SLC39A12: variants seen among roughly 807,000 people sequenced by gnomAD.
SLC39A12 encodes the protein zinc transporter ZIP12.
A neutral mutation model predicts 71.1 loss-of-function variants in SLC39A12; 63 were observed. The ratio of observed to expected loss-of-function variants is 0.89; its 90% CI spans 0.72 to 1.09. The LOEUF is 1.09. Ranked by LOEUF, SLC39A12 falls within the 50% of genes least tolerant of loss-of-function variation. The pLI is 0.00. For synonymous variants in SLC39A12, 351 were observed against 301.3 expected (o/e 1.16, Z -1.71); for missense variants, 892 against 812.6 (o/e 1.10, Z -1.19).
chr10:17,968,883 A>G (rs1438320188), intron 4 of SLC39A12, among the ~76,000 whole-genome samples: 1 of 152,144 alleles, frequency 6.6e-6, no homozygotes, highest in Non-Finnish European at 1.5e-5. Flanking sequence ...CTATCAAATA[A>G]TAGGTCTTAT....
intron 12 of SLC39A12, among the ~76,000 whole-genome samples, chr10:18,022,312 T>C (rs1466262881): frequency 6.6e-6 from 1 of 152,070 alleles, no homozygotes; most frequent in African/African-American, 2.4e-5. Context: ...TCAGAGGTTT[T>C]GTTTATTTTT....
At chr10:17,958,830 A>T (rs1359203414) in intron 2 of SLC39A12, among the ~76,000 whole-genome samples, 11 of 152,228 alleles carry the variant, frequency 7.2e-5, no homozygotes, top group Admixed American at 7.2e-4. Context: ...TAGTTGCTTT[A>T]TATTATAAAA....
intron 12 of SLC39A12, among the ~76,000 whole-genome samples, chr10:18,010,889 C>A (rs905061872): frequency 2.0e-5 from 3 of 152,198 alleles, no homozygotes; most frequent in Admixed American, 6.5e-5. Flanking sequence ...TCCTCCTCCT[C>A]CTCCGTCCCT....
intron 12 of SLC39A12, among the ~76,000 whole-genome samples, chr10:18,040,687 A>G (rs1366276511): frequency 6.6e-6 from 1 of 151,094 alleles, no homozygotes; most frequent in Non-Finnish European, 1.5e-5. Context: ...GAGAATCGCC[A>G]TAACCCAGGA....
At chr10:17,995,293 T>C (rs1835656087) in intron 9 of SLC39A12, among the ~76,000 whole-genome samples, 1 of 152,218 alleles carries the variant, frequency 6.6e-6, no homozygotes, top group Non-Finnish European at 1.5e-5. Context: ...CAATCCACCA[T>C]ACAGGAGAAG....
At chr10:17,962,841 T>C (rs1834726876) in intron 3 of SLC39A12, among the ~76,000 whole-genome samples, 1 of 152,168 alleles carries the variant, frequency 6.6e-6, no homozygotes, top group Admixed American at 6.5e-5. Context: ...CATATTTTTA[T>C]TCCTATTTTC....
intron 12 of SLC39A12, among the ~76,000 whole-genome samples, chr10:18,013,713 C>G (rs2497768): frequency 0.78 from 117,833 of 151,958 alleles, 46,543 homozygotes; most frequent in African/African-American, 0.91. Context: ...AGCACCATCT[C>G]TTGAAAGGAC....
intron 2 of SLC39A12, among the ~76,000 whole-genome samples, chr10:17,958,316 T>C (rs530857679): frequency 3.0e-4 from 45 of 152,264 alleles, no homozygotes; most frequent in Non-Finnish European, 5.0e-4. Flanking sequence ...CCTTGCATCA[T>C]AGACATTCTT....
At chr10:17,981,565 A>G in intron 6 of SLC39A12, 82 bp downstream of exon 6, 1 of 1,132,102 alleles carries the variant, frequency 8.8e-7, no homozygotes, top group South Asian at 1.8e-5. Context: ...CTTACTATAT[A>G]CCAGGCTCTG....
chr10:17,982,506 C>A (rs1835286879), intron 6 of SLC39A12, among the ~76,000 whole-genome samples: 1 of 152,140 alleles, frequency 6.6e-6, no homozygotes, highest in South Asian at 2.1e-4. Flanking sequence ...CAGCCACCCA[C>A]CTCTAACTCA....
chr10:18,034,740 T>C (rs1836949512), intron 12 of SLC39A12, among the ~76,000 whole-genome samples: 1 of 151,712 alleles, frequency 6.6e-6, no homozygotes. Context: ...TTCTTCCTAG[T>C]CTCGATGGTC....
chr10:17,965,746 C>G, intron 4 of SLC39A12, 56 bp downstream of exon 4: 1 of 1,429,056 alleles, frequency 7.0e-7, no homozygotes, highest in Non-Finnish European at 9.7e-7. Flanking sequence ...ATAAACTATG[C>G]CAAAAACAAA....
chr10:18,037,886 G>A (rs938928992), intron 12 of SLC39A12, among the ~76,000 whole-genome samples: 2 of 151,786 alleles, frequency 1.3e-5, no homozygotes, highest in Non-Finnish European at 1.5e-5. Context: ...CAGGCATGGT[G>A]GTGCGTGCCT....
chr10:17,983,587 G>A (rs1835325832), intron 6 of SLC39A12, among the ~76,000 whole-genome samples: 1 of 152,084 alleles, frequency 6.6e-6, no homozygotes, highest in Non-Finnish European at 1.5e-5. Context: ...TTCGAGACCA[G>A]CCTGGCCAAC....
chr10:17,994,638 A>G (rs577215291), intron 9 of SLC39A12, among the ~76,000 whole-genome samples: 3 of 152,266 alleles, frequency 2.0e-5, no homozygotes, highest in South Asian at 4.1e-4. Context: ...TTTTGTTTCT[A>G]TATCCTCCCA....
intron 12 of SLC39A12, among the ~76,000 whole-genome samples, chr10:18,041,982 G>T (rs543134453): frequency 3.5e-4 from 53 of 150,076 alleles, no homozygotes; most frequent in African/African-American, 1.2e-3. Context: ...CTTAGTCATC[G>T]CTCTCTCTCT....
intron 12 of SLC39A12, among the ~76,000 whole-genome samples, chr10:18,036,786 A>ATTTTTTTTTTTT (rs1407183255): frequency 7.4e-4 from 7 of 9,456 alleles, no homozygotes; most frequent in African/African-American, 1.8e-3. Context: ...ATATATATAT[A>ATTTTTTTTTTTT]TATATATATT....
At position 18,042,815 on chromosome 10, in the gene SLC39A12, G is replaced by T. The variant is rs374741256; in HGVS notation, c.2058G>T (p.Glu686Asp). The T allele has an allele frequency of 1.9e-6, 3 of 1,606,768 alleles. No individual in the cohort carries two copies. The South Asian group carries it at 3.4e-5, about 18-fold the overall frequency. The change falls in exon 13 of 13, where the codon GAG becomes GAT. Residue 686 changes from glutamate to aspartate, a missense_variant. Physicochemically the swap from Glu to Asp is conservative, Grantham distance 45. Transcript: ENST00000377369. The part of the protein sequence containing the change: ...WLSLLLLAIY[E>D]QNIKI Reference sequence around the variant, plus strand: ...CTCTCCTGCTCTTGGCTATATATGAGCAAAATATTAAAATATAAGTGAGGA... The same window carrying T: ...CTCTCCTGCTCTTGGCTATATATGATCAAAATATTAAAATATAAGTGAGGA...
chr10:17,973,803 T>C (rs1022661175), intron 4 of SLC39A12, among the ~76,000 whole-genome samples: 3 of 152,014 alleles, frequency 2.0e-5, no homozygotes, highest in African/African-American at 7.3e-5. Context: ...TCTCTGTTAT[T>C]ATCCTTTTGA....
Sources: gnomAD v4.1 joint callset for allele counts (sites outside exome capture counted in the v4.1 genomes callset) on GRCh38, gnomAD v4.1.1 for gene constraint, MANE v1.5 for transcripts, NCBI Gene and HGNC (gene_info 2026-07-23, HGNC 2026-07-21) for gene names.